The following SPTLC1 variants were observed in gnomAD, a reference collection of about 807,000 sequenced individuals.
SPTLC1 encodes serine palmitoyltransferase 1.
In SPTLC1, 55 loss-of-function variants were observed where a neutral mutation model predicts 68.9. The ratio of observed to expected loss-of-function variants is 0.80; its 90% CI spans 0.64 to 1.00. SPTLC1 has a LOEUF of 1.00. SPTLC1 is among the 50% of genes least tolerant of loss of function. SPTLC1 has a pLI of 0.00. For synonymous variants in SPTLC1, 197 were observed against 201.6 expected (o/e 0.98, Z 0.19); for missense variants, 449 against 573.1 (o/e 0.78, Z 2.21).
At chr9:92,073,495 G>A (rs755728867) in intron 5 of SPTLC1, among the ~76,000 whole-genome samples, 17 of 152,106 alleles carry the variant, frequency 1.1e-4, no homozygotes, top group Non-Finnish European at 1.9e-4. Context: ...ATAAAGCCGT[G>A]AATTATGACA....
In SPTLC1 at chr9:92,032,192, G is replaced by A; in HGVS notation, c.*273C>T. On this transcript the variant is annotated 3_prime_UTR_variant, in exon 15 of 15. Transcript: ENST00000262554. ...ACTAGTATAAGAAAACATTTAAATA[G>A]TACTAAATGCACAATTTAAACATCA... The A allele has an allele frequency of 8.4e-7, 1 of 1,187,752 alleles. No homozygotes were observed. Among genetic ancestry groups the A allele is most frequent in the Non-Finnish European group, 1.1e-6 (1 of 869,780 alleles). The allele number at this position is 1,187,752 out of a possible 1,614,324, so 73.6% of individuals were successfully genotyped here. A position where few individuals can be genotyped will look rare whatever the true frequency, so the allele number is the denominator to read the frequency against.
At chr9:92,083,339 G>A (rs1271856383) in intron 3 of SPTLC1, among the ~76,000 whole-genome samples, 1 of 152,134 alleles carries the variant, frequency 6.6e-6, no homozygotes, top group Non-Finnish European at 1.5e-5. Flanking sequence ...GAATAGTAAT[G>A]CCTAGGTTTT....
At chr9:92,111,711 T>C (rs567530289) in intron 2 of SPTLC1, 15 of 152,384 alleles carry the variant, frequency 9.8e-5, no homozygotes, top group East Asian at 3.9e-4. Context: ...GTAAGCCACA[T>C]AGCACTTGTT....
intron 8 of SPTLC1, among the ~76,000 whole-genome samples, chr9:92,052,657 G>A (rs916038815): frequency 2.0e-5 from 3 of 151,610 alleles, no homozygotes; most frequent in Non-Finnish European, 1.5e-5. Context: ...AGCCTCCCGA[G>A]TAGCTGGGAT....
intron 5 of SPTLC1, among the ~76,000 whole-genome samples, chr9:92,077,313 A>G (rs1834715969): frequency 6.6e-6 from 1 of 152,014 alleles, no homozygotes; most frequent in Non-Finnish European, 1.5e-5. Flanking sequence ...ATTTCCTTTT[A>G]CCTACTCCAG....
intron 6 of SPTLC1, among the ~76,000 whole-genome samples, chr9:92,061,786 T>A (rs1416943146): frequency 6.6e-6 from 1 of 152,198 alleles, no homozygotes; most frequent in Admixed American, 6.5e-5. Flanking sequence ...ATGACACCAG[T>A]AGTCTATTAT....
At chr9:92,049,539 C>A (rs1487887258) in intron 9 of SPTLC1, among the ~76,000 whole-genome samples, 1 of 152,186 alleles carries the variant, frequency 6.6e-6, no homozygotes, top group Non-Finnish European at 1.5e-5. Context: ...CTACCTCCCA[C>A]AAACACATTA....
intron 7 of SPTLC1, among the ~76,000 whole-genome samples, chr9:92,055,857 A>G (rs1191048947): frequency 1.3e-5 from 2 of 152,194 alleles, no homozygotes; most frequent in African/African-American, 4.8e-5. Flanking sequence ...CCTGGGTTAC[A>G]TGGGTATAAT....
intron 10 of SPTLC1, 46 bp downstream of exon 10, chr9:92,047,567 G>A: frequency 7.8e-7 from 1 of 1,287,188 alleles, no homozygotes; most frequent in South Asian, 1.2e-5. Context: ...GTGACCAATG[G>A]AGAAATTAGT....
At chr9:92,081,584 C>T (rs1252127492) in intron 3 of SPTLC1, among the ~76,000 whole-genome samples, 1 of 152,110 alleles carries the variant, frequency 6.6e-6, no homozygotes, top group Non-Finnish European at 1.5e-5. Flanking sequence ...AAGGTACTTC[C>T]GTTAAGCCCT....
rs769378615 is a variant in SPTLC1 at position 92,068,010 on chromosome 9, G to A, written c.516C>T (p.Ala172=). The change falls in exon 6 of 15, where the codon GCC becomes GCT. Residue 172 remains alanine (A), a synonymous_variant. Coordinates refer to ENST00000262554, the MANE Select transcript of SPTLC1 (RefSeq NM_006415.4). ...TTTTAGAGTAAGCAGGAATAGCACTGGCTATGGTGGCAAATCCATATGAGT... is the reference window on the plus strand; with the variant it reads ...TTTTAGAGTAAGCAGGAATAGCACTAGCTATGGTGGCAAATCCATATGAGT... ...IIYSYGFATI[A]SAIPAYSKRG... The A allele has an allele frequency of 6.2e-7, 1 of 1,614,054 alleles. No homozygotes were observed. Among genetic ancestry groups the A allele is most frequent in the East Asian group, 2.2e-5 (1 of 44,852 alleles).
chr9:92,095,478 G>A (rs896326145), intron 3 of SPTLC1, among the ~76,000 whole-genome samples: 4 of 152,138 alleles, frequency 2.6e-5, no homozygotes, highest in Non-Finnish European at 4.4e-5. Context: ...TGAGGAAAAT[G>A]GAGAAGTAAA....
At chr9:92,054,785 C>T (rs538834492) in intron 8 of SPTLC1, among the ~76,000 whole-genome samples, 4 of 152,062 alleles carry the variant, frequency 2.6e-5, no homozygotes, top group African/African-American at 4.8e-5. Context: ...TGTCTGCGCA[C>T]GCCTATAGTT....
chr9:92,108,188 G>A (rs1037917411), intron 3 of SPTLC1: 3 of 158,946 alleles, frequency 1.9e-5, no homozygotes, highest in Admixed American at 1.2e-4. Flanking sequence ...TATTCTTACT[G>A]TATTTCTTAA....
At chr9:92,090,971 C>T (rs1213900524) in intron 3 of SPTLC1, among the ~76,000 whole-genome samples, 1 of 152,188 alleles carries the variant, frequency 6.6e-6, no homozygotes, top group East Asian at 1.9e-4. Flanking sequence ...GCGCTAGCTA[C>T]CTTGCTCCCC....
intron 6 of SPTLC1, among the ~76,000 whole-genome samples, chr9:92,061,684 T>G (rs939690496): frequency 2.6e-5 from 4 of 152,144 alleles, no homozygotes; most frequent in Non-Finnish European, 2.9e-5. Context: ...TCTCACTGTA[T>G]GTACAGGAAA....
intron 3 of SPTLC1, among the ~76,000 whole-genome samples, chr9:92,103,490 C>T (rs919150725): frequency 3.8e-4 from 58 of 152,352 alleles, no homozygotes; most frequent in African/African-American, 1.3e-3. Flanking sequence ...GCTGTGGAAT[C>T]GCACAGCCCA....
At chr9:92,081,306 A>C (rs1292342678) in intron 3 of SPTLC1, among the ~76,000 whole-genome samples, 1 of 152,232 alleles carries the variant, frequency 6.6e-6, no homozygotes, top group Non-Finnish European at 1.5e-5. Flanking sequence ...AATCTGGAAT[A>C]AGCCAAACAG....
At chr9:92,065,422 C>T (rs1431282596) in intron 6 of SPTLC1, among the ~76,000 whole-genome samples, 5 of 152,134 alleles carry the variant, frequency 3.3e-5, no homozygotes, top group South Asian at 2.1e-4. Flanking sequence ...TTTAAAATTA[C>T]GTAGCAGAAT....
Sources: allele counts gnomAD v4.1 joint callset (sites outside exome capture counted in the v4.1 genomes callset), GRCh38; gene constraint gnomAD v4.1.1; transcripts MANE v1.5; gene names NCBI Gene and HGNC (gene_info 2026-07-23, HGNC 2026-07-21).